RIN3: variants seen among roughly 807,000 people sequenced by gnomAD.
The protein encoded by RIN3 is Ras and Rab interactor 3, also known as RAB5 interacting protein 3.
A neutral mutation model predicts 76.3 loss-of-function variants in RIN3; 54 were observed. The ratio of observed to expected loss-of-function variants is 0.71; its 90% CI spans 0.57 to 0.89. RIN3 has a LOEUF of 0.89. Among genes scored for constraint, RIN3 ranks in the 40% least tolerant of loss-of-function variants. RIN3 has a pLI of 0.00. For missense variants in RIN3, 1,256 were observed against 1,322.1 expected, an observed-to-expected ratio of 0.95 and a Z score of 0.78; for synonymous variants, 576 against 564.0, an observed-to-expected ratio of 1.02 and a Z score of -0.30.
chr14:92,555,977 T>A (rs752857026), intron 2 of RIN3, 22 bp downstream of exon 2: 4 of 1,602,622 alleles, frequency 2.5e-6, no homozygotes, highest in Non-Finnish European at 3.4e-6. Flanking sequence ...CGTCTCCCAC[T>A]TGGTAGGCAC....
At chr14:92,555,470 C>T (rs72697251) in intron 1 of RIN3, among the ~76,000 whole-genome samples, 8,080 of 152,248 alleles carry the variant, frequency 0.053, 365 homozygotes, top group East Asian at 0.2. Flanking sequence ...AAGACCCTCA[C>T]ATTTGCCTAC....
chr14:92,575,555 G>T (rs189833798), intron 2 of RIN3, among the ~76,000 whole-genome samples: 80 of 152,294 alleles, frequency 5.3e-4, no homozygotes, highest in African/African-American at 1.8e-3. Flanking sequence ...CAGGAAAGGG[G>T]TGGGCAATTC....
intron 1 of RIN3, among the ~76,000 whole-genome samples, chr14:92,546,267 T>A (rs1038247728): frequency 2.0e-5 from 3 of 152,182 alleles, no homozygotes; most frequent in Non-Finnish European, 2.9e-5. Context: ...GTGTACATAT[T>A]TTGGGGGTGC....
intron 2 of RIN3, among the ~76,000 whole-genome samples, chr14:92,556,826 C>T (rs1036502356): frequency 6.6e-6 from 1 of 152,150 alleles, no homozygotes; most frequent in Non-Finnish European, 1.5e-5. Flanking sequence ...AGATCTTTTC[C>T]ACCTACTGTA....
intron 4 of RIN3, among the ~76,000 whole-genome samples, chr14:92,636,823 G>A (rs1422349119): frequency 6.6e-6 from 1 of 152,220 alleles, no homozygotes; most frequent in Non-Finnish European, 1.5e-5. Context: ...AAGGAGGCAG[G>A]AGGATCACTT....
chr14:92,605,414 T>G (rs2140093246), intron 3 of RIN3, among the ~76,000 whole-genome samples: 1 of 152,360 alleles, frequency 6.6e-6, no homozygotes, highest in Non-Finnish European at 1.5e-5. Flanking sequence ...AGCTGTCTGC[T>G]AAAATGAAAG....
chr14:92,687,562 C>T (rs896196025), intron 9 of RIN3: 11 of 300,424 alleles, frequency 3.7e-5, no homozygotes, highest in Non-Finnish European at 5.0e-5. Context: ...CCCTCCGTGC[C>T]CAGCATTGCG....
intron 7 of RIN3, among the ~76,000 whole-genome samples, chr14:92,663,598 G>C (rs184197462): frequency 3.3e-4 from 50 of 152,346 alleles, no homozygotes; most frequent in African/African-American, 1.2e-3. Context: ...TTGAGCACTG[G>C]ACTGGGAGCA....
At chr14:92,612,942 G>A (rs1372200430) in intron 3 of RIN3, among the ~76,000 whole-genome samples, 1 of 152,234 alleles carries the variant, frequency 6.6e-6, no homozygotes, top group African/African-American at 2.4e-5. Flanking sequence ...TTTCAGGAAG[G>A]GAGTCCAGGG....
At chr14:92,524,692 G>A (rs776600287) in intron 1 of RIN3, among the ~76,000 whole-genome samples, 12 of 152,218 alleles carry the variant, frequency 7.9e-5, no homozygotes, top group Non-Finnish European at 1.5e-4. Flanking sequence ...GTCCTCAGGC[G>A]TCAGAGCTTC....
chr14:92,558,368 TTAAAA>T (rs1377998423), intron 2 of RIN3, among the ~76,000 whole-genome samples: 1 of 152,106 alleles, frequency 6.6e-6, no homozygotes, highest in Non-Finnish European at 1.5e-5. Flanking sequence ...ATTAAAAAGT[TTAAAA>T]TAAGCACAAC....
Position 92,659,222 on chromosome 14 carries a change from C to T in RIN3, c.2088C>T (p.Asn696=). ...CVLKPLKEAI[N]SCLHQIHSKD... ...TGAAGCCCCTGAAGGAAGCCATCAA[C>T]TCATGCCTGCATCAGATCCACAGCA... Residue 696 remains asparagine, a synonymous_variant, in exon 7 of 10, where the codon AAC becomes AAT. Coordinates refer to ENST00000216487, the MANE Select transcript of RIN3 (RefSeq NM_024832.5). The T allele has an allele frequency of 6.2e-7, 1 of 1,614,226 alleles. No individual in the cohort carries two copies. The highest frequency in any genetic ancestry group is 8.5e-7 in the Non-Finnish European group (1 of 1,180,040).
intron 4 of RIN3, among the ~76,000 whole-genome samples, chr14:92,630,369 G>A (rs1467625224): frequency 1.3e-5 from 2 of 152,194 alleles, no homozygotes; most frequent in African/African-American, 4.8e-5. Flanking sequence ...GCACATGCCT[G>A]TAATCCCAGC....
At position 92,652,210 on chromosome 14, in the gene RIN3, C is replaced by T; in HGVS notation, c.1161C>T (p.Pro387=). The change falls in exon 6 of 10, where the codon CCC becomes CCT. Residue 387 remains proline, a synonymous_variant. Transcript: ENST00000216487. This position sits in a 1 kb window ranked among gnomAD's most constrained non-coding sequence, Gnocchi z 6.4. The stretch of plus-strand genomic sequence containing the variant: ...AGAAGAACCTTCCCACTGCCCCTCC[C>T]AGACGCCGCGTTTCCGAGAGGGTGT... ...PAKKNLPTAP[P]RRRVSERVSL... is the part of the protein sequence containing the mutation. The T allele has an allele frequency of 1.2e-6, 2 of 1,606,676 alleles. No homozygotes were observed.
At chr14:92,591,055 G>A (rs964459137) in intron 3 of RIN3, among the ~76,000 whole-genome samples, 3 of 152,218 alleles carry the variant, frequency 2.0e-5, no homozygotes, top group African/African-American at 4.8e-5. Context: ...AAGCAACTAT[G>A]ATTAAGGTGC....
At chr14:92,610,031 A>T (rs903491671) in intron 3 of RIN3, among the ~76,000 whole-genome samples, 3 of 151,048 alleles carry the variant, frequency 2.0e-5, no homozygotes, top group Non-Finnish European at 4.4e-5. Flanking sequence ...CGCTGGCAGA[A>T]AAAAAAATTT....
At chr14:92,592,676 TA>T in intron 3 of RIN3, among the ~76,000 whole-genome samples, 1 of 140,712 alleles carries the variant, frequency 7.1e-6, no homozygotes, top group Non-Finnish European at 1.5e-5. Flanking sequence ...TTATTATTAT[TA>T]TTATTATTAT....
rs753311285 is a variant in RIN3, at chr14:92,641,355, G to A, written c.532+26G>A. On this transcript the variant is annotated intron_variant, in intron 5 of 9. Transcript: ENST00000216487. Reference sequence around the variant, plus strand: ...GTGAGTCTTCTCCGAGGGGTTAGGGGAGCTGGTGGGGCGTTAGGAACTGGG... The same window carrying A: ...GTGAGTCTTCTCCGAGGGGTTAGGGAAGCTGGTGGGGCGTTAGGAACTGGG... 6.4e-6 allele frequency: 10 copies of A among 1,570,630 alleles called. 1 individual carries two copies. The South Asian group carries it at 1.1e-4, about 17-fold the overall frequency.
At chr14:92,523,896 C>A (rs370696691) in intron 1 of RIN3, among the ~76,000 whole-genome samples, 1 of 152,258 alleles carries the variant, frequency 6.6e-6, no homozygotes, top group East Asian at 1.9e-4. Context: ...CACACCAGCA[C>A]AAGAAAGGCC....
Sources: gnomAD v4.1 joint callset for allele counts (sites outside exome capture counted in the v4.1 genomes callset) on GRCh38, gnomAD v4.1.1 for gene constraint, Gnocchi (gnomAD v3.1) non-coding constraint, MANE v1.5 for transcripts, NCBI Gene and HGNC (gene_info 2026-07-23, HGNC 2026-07-21) for gene names.